The following GOLGA1 variants were observed in gnomAD, a reference collection of about 807,000 sequenced individuals.
The protein encoded by GOLGA1 is golgin A1, also known as golgin subfamily A member 1.
A neutral mutation model predicts 119.7 loss-of-function variants in GOLGA1; 63 were observed. The ratio of observed to expected loss-of-function variants is 0.53; its 90% CI spans 0.43 to 0.65. The LOEUF (loss-of-function observed/expected upper bound fraction) is 0.65. Ranked by LOEUF, GOLGA1 falls within the 30% of genes least tolerant of loss-of-function variation. GOLGA1 has a pLI of 0.00. For synonymous variants in GOLGA1, 318 were observed against 333.4 expected (o/e 0.95, Z 0.50); for missense variants, 798 against 912.8 (o/e 0.87, Z 1.62).
chr9:124,888,097 G>A lies in GOLGA1; in HGVS notation c.1905+156C>T, dbSNP rs1406623977. Among the ~76,000 whole-genome samples, 2 of 152,142 alleles carry A rather than the reference G, an allele frequency of 1.3e-5. No individual in the cohort carries two copies. Among genetic ancestry groups the A allele is most frequent in the East Asian group, 1.9e-4 (1 of 5,192 alleles). ...TGGAGGAGGACAGTGCAGGAGGAAC[G>A]GAAGATCAGGAGGAAGGCCTTTGGG... On this transcript the variant is annotated intron_variant, in intron 19 of 22. Transcript: ENST00000373555. This position sits in a 1 kb window ranked among gnomAD's most constrained non-coding sequence, Gnocchi z 4.4.
At chr9:124,902,401 C>T (rs559365608) in intron 12 of GOLGA1, among the ~76,000 whole-genome samples, 6 of 151,620 alleles carry the variant, frequency 4.0e-5, no homozygotes, top group African/African-American at 7.3e-5. Flanking sequence ...TGTGATTCAC[C>T]GCGCCCAGCT....
chr9:124,924,285 T>TA (rs1261087459), intron 7 of GOLGA1, among the ~76,000 whole-genome samples: 14 of 150,876 alleles, frequency 9.3e-5, no homozygotes, highest in Admixed American at 9.3e-4. Context: ...GTTAACAAGC[T>TA]AAAAAAAAGA....
intron 3 of GOLGA1, among the ~76,000 whole-genome samples, chr9:124,938,319 G>A (rs1183015356): frequency 6.6e-6 from 1 of 152,038 alleles, no homozygotes; most frequent in East Asian, 1.9e-4. Flanking sequence ...AAGGTATATA[G>A]ACGGAAAAAC....
At chr9:124,907,903 T>G (rs1830264996) in intron 12 of GOLGA1, among the ~76,000 whole-genome samples, 1 of 152,198 alleles carries the variant, frequency 6.6e-6, no homozygotes, top group Non-Finnish European at 1.5e-5. Context: ...CCTATAGTAC[T>G]TAGTCTCTTT....
chr9:124,939,494 G>A (rs753632470), intron 2 of GOLGA1, among the ~76,000 whole-genome samples: 2 of 149,190 alleles, frequency 1.3e-5, no homozygotes, highest in African/African-American at 2.5e-5. Flanking sequence ...TTCTAGAGAC[G>A]CTGTGTGGTT....
chr9:124,906,469 G>A (rs1830234804), intron 12 of GOLGA1, among the ~76,000 whole-genome samples: 1 of 149,398 alleles, frequency 6.7e-6, no homozygotes, highest in African/African-American at 2.5e-5. Context: ...ACCATCACAG[G>A]CCGGGCGCGG....
intron 15 of GOLGA1, among the ~76,000 whole-genome samples, 199 bp from the exon 16 acceptor site, chr9:124,890,677 G>A (rs1022034070): frequency 1.3e-5 from 2 of 151,924 alleles, no homozygotes; most frequent in African/African-American, 2.4e-5. Flanking sequence ...GCAACCCACC[G>A]ACTTCTCTGG....
intron 12 of GOLGA1, among the ~76,000 whole-genome samples, chr9:124,907,258 G>A (rs889893826): frequency 1.3e-5 from 2 of 152,144 alleles, no homozygotes; most frequent in South Asian, 4.1e-4. Context: ...AGGACAGACT[G>A]TTTAGTAAAT....
intron 7 of GOLGA1, among the ~76,000 whole-genome samples, chr9:124,924,556 T>A (rs915400001): frequency 6.8e-6 from 1 of 147,464 alleles, no homozygotes; most frequent in Non-Finnish European, 1.5e-5. Flanking sequence ...CACCTGAGCC[T>A]GAGAAGTCGA....
At chr9:124,937,233 C>T (rs532764914) in intron 3 of GOLGA1, among the ~76,000 whole-genome samples, 30 of 152,258 alleles carry the variant, frequency 2.0e-4, no homozygotes, top group African/African-American at 7.2e-4. Flanking sequence ...GCGGGAGGAT[C>T]ACGAGGTCAG....
intron 18 of GOLGA1, 90 bp downstream of exon 18, chr9:124,889,053 A>G: frequency 3.0e-6 from 3 of 1,012,138 alleles, no homozygotes; most frequent in Admixed American, 2.2e-5. Context: ...CGTGTCCACC[A>G]TGTGTCCCCA....
chr9:124,924,922 A>G (rs1177038639), intron 7 of GOLGA1, among the ~76,000 whole-genome samples: 1 of 151,742 alleles, frequency 6.6e-6, no homozygotes, highest in Non-Finnish European at 1.5e-5. Context: ...TACTAAAAAT[A>G]TAAAAAAATT....
Position 124,882,043 on chromosome 9 carries a change from A to G in GOLGA1, c.1966-89T>C, listed in dbSNP as rs1253347802. On this transcript the variant is annotated intron_variant, in intron 20 of 22. Coordinates refer to ENST00000373555, the MANE Select transcript of GOLGA1 (RefSeq NM_002077.4). ...GGAGGTTCACCTGGTCCAAACTATG[A>G]TCACTATCGTAGGGCAAAAAGGGCC... 4 of 1,002,268 alleles carry G rather than the reference A, an allele frequency of 4.0e-6. No individual in the cohort carries two copies. The East Asian group carries it at 7.5e-5, about 19-fold the overall frequency. 62.1% of individuals were successfully genotyped at this position (1,002,268 alleles called of 1,614,324 possible). A position where few individuals can be genotyped will look rare whatever the true frequency, so the allele number is the denominator to read the frequency against.
chr9:124,941,958 AAG>A (rs1354736898), upstream of GOLGA1, among the ~76,000 whole-genome samples: 3 of 152,002 alleles, frequency 2.0e-5, no homozygotes, highest in African/African-American at 7.2e-5. Context: ...AAATAAACAA[AAG>A]AGGAAAAACT....
chr9:124,937,461 T>A (rs1830896991), intron 3 of GOLGA1, among the ~76,000 whole-genome samples: 1 of 149,620 alleles, frequency 6.7e-6, no homozygotes, highest in Non-Finnish European at 1.5e-5. Flanking sequence ...TCAAAAACAA[T>A]AAACTAAAAA....
chr9:124,930,852 C>T (rs1326417626), intron 4 of GOLGA1, among the ~76,000 whole-genome samples: 3 of 152,166 alleles, frequency 2.0e-5, no homozygotes, highest in Non-Finnish European at 2.9e-5. Flanking sequence ...GTGCTGAAGT[C>T]AGAAATACCA....
chr9:124,913,735 G>A (rs1333291553), intron 10 of GOLGA1, among the ~76,000 whole-genome samples: 1 of 152,176 alleles, frequency 6.6e-6, no homozygotes, highest in Non-Finnish European at 1.5e-5. Context: ...GGCTGGTGGT[G>A]GAGACAGACA....
intron 12 of GOLGA1, among the ~76,000 whole-genome samples, chr9:124,904,738 A>G (rs1588074153): frequency 6.6e-6 from 1 of 151,714 alleles, no homozygotes; most frequent in Admixed American, 6.6e-5. Context: ...TCAGGAGTTC[A>G]AGACCAGCCT....
intron 7 of GOLGA1, among the ~76,000 whole-genome samples, chr9:124,925,171 T>C (rs950713979): frequency 6.6e-6 from 1 of 152,098 alleles, no homozygotes; most frequent in Non-Finnish European, 1.5e-5. Flanking sequence ...CTTGTGAACC[T>C]AAGTAGGTTT....
Sources: allele counts gnomAD v4.1 joint callset (sites outside exome capture counted in the v4.1 genomes callset), GRCh38; gene constraint gnomAD v4.1.1; non-coding constraint Gnocchi (gnomAD v3.1); transcripts MANE v1.5; gene names NCBI Gene and HGNC (gene_info 2026-07-23, HGNC 2026-07-21).